Variants in VGLL4 observed in about 807,000 individuals in gnomAD.
The protein encoded by VGLL4 is vestigial like family member 4.
VGLL4 carries 7 observed loss-of-function variants against 21.0 expected under a neutral mutation model. The ratio of observed to expected loss-of-function variants is 0.33; its 90% CI spans 0.19 to 0.63. VGLL4 has a LOEUF of 0.63. Ranked by LOEUF, VGLL4 falls within the 20% of genes least tolerant of loss-of-function variation. The pLI is 0.78. For synonymous variants in VGLL4, 222 were observed against 173.2 expected (o/e 1.28, Z -2.21); for missense variants, 394 against 425.7 (o/e 0.93, Z 0.66).
At chr3:11,646,029 G>A (rs1296699651), upstream of VGLL4, among the ~76,000 whole-genome samples, 3 of 152,148 alleles carry the variant, frequency 2.0e-5, no homozygotes, top group South Asian at 2.1e-4. Context: ...TACTGTTGCC[G>A]TCATTGCTGC....
intron 2 of VGLL4, among the ~76,000 whole-genome samples, chr3:11,652,014 G>A (rs1451995367): frequency 2.0e-5 from 3 of 152,116 alleles, no homozygotes; most frequent in Non-Finnish European, 4.4e-5. Context: ...CTATTAAGTA[G>A]CGACTGATCA....
chr3:11,707,327 C>CAAAAAA (rs34222383), intron 1 of VGLL4, among the ~76,000 whole-genome samples: 3 of 43,058 alleles, frequency 7.0e-5, no homozygotes, highest in African/African-American at 9.8e-5. Context: ...GACCCTGCCT[C>CAAAAAA]AAAAAAAAAA....
chr3:11,678,711 T>G (rs1290966801), intron 2 of VGLL4, among the ~76,000 whole-genome samples: 1 of 152,140 alleles, frequency 6.6e-6, no homozygotes, highest in East Asian at 1.9e-4. Flanking sequence ...TTCTCCCTCT[T>G]TGTTTATGTT....
At chr3:11,639,491 T>C (rs894166060) in intron 1 of VGLL4, among the ~76,000 whole-genome samples, 1 of 152,224 alleles carries the variant, frequency 6.6e-6, no homozygotes, top group Admixed American at 6.5e-5. Flanking sequence ...CACTGTGTGC[T>C]GTAATCCAGG....
intron 3 of VGLL4, among the ~76,000 whole-genome samples, chr3:11,560,386 G>A (rs763882981): frequency 6.6e-6 from 1 of 152,198 alleles, no homozygotes; most frequent in Non-Finnish European, 1.5e-5. Context: ...TGTGGGCTAA[G>A]TTCCAGGACA....
At chr3:11,644,159 A>G (rs1479223963), upstream of VGLL4, among the ~76,000 whole-genome samples, 1 of 152,168 alleles carries the variant, frequency 6.6e-6, no homozygotes, top group Non-Finnish European at 1.5e-5. Flanking sequence ...AAACCCAGGA[A>G]GTTTCTTTTT....
chr3:11,558,498 CTG>C lies in VGLL4; in HGVS notation c.*56_*57del, dbSNP rs1365818515. The stretch of plus-strand genomic sequence containing the variant: ...TGATTTTTTTTTTTTTAAGTACTGA[CTG>C]TTCAAAGCTCAGGCAAACCATGCAG... On this transcript the variant is annotated 3_prime_UTR_variant, in exon 5 of 5. Coordinates refer to ENST00000430365, the MANE Select transcript of VGLL4 (RefSeq NM_001128219.3). 5.5e-6 allele frequency: 6 copies of C among 1,091,484 alleles called. No homozygotes were observed. The highest frequency in any genetic ancestry group is 1.7e-5 in the African/African-American group (1 of 59,600). 67.6% of individuals were successfully genotyped at this position (1,091,484 alleles called of 1,614,324 possible).
chr3:11,709,345 G>A (rs550908942), intron 1 of VGLL4, among the ~76,000 whole-genome samples: 66 of 150,124 alleles, frequency 4.4e-4, no homozygotes, highest in Non-Finnish European at 5.8e-4. Flanking sequence ...GCTGAGGCAG[G>A]AGAATAGCTT....
At chr3:11,573,561 G>A (rs759674121) in intron 2 of VGLL4, among the ~76,000 whole-genome samples, 5 of 152,096 alleles carry the variant, frequency 3.3e-5, no homozygotes, top group Non-Finnish European at 5.9e-5. Flanking sequence ...TCCCTCCGAC[G>A]GCCATGGCTG....
upstream of VGLL4, among the ~76,000 whole-genome samples, chr3:11,647,230 A>G (rs1485375296): frequency 1.3e-5 from 2 of 151,808 alleles, no homozygotes; most frequent in Admixed American, 1.3e-4. Context: ...TTTCAAGCAC[A>G]CTGGATGACC....
At chr3:11,695,506 A>G (rs2076594248) in intron 2 of VGLL4, among the ~76,000 whole-genome samples, 2 of 152,216 alleles carry the variant, frequency 1.3e-5, no homozygotes, top group Non-Finnish European at 2.9e-5. Flanking sequence ...AGACAGAGAG[A>G]ACATGTGCAT....
chr3:11,582,981 T>G (rs2074272689), intron 2 of VGLL4, among the ~76,000 whole-genome samples: 1 of 152,230 alleles, frequency 6.6e-6, no homozygotes, highest in African/African-American at 2.4e-5. Context: ...CCTAGGTTTG[T>G]CTTGGTGAAC....
chr3:11,706,677 T>C (rs887491283), intron 1 of VGLL4, among the ~76,000 whole-genome samples: 17 of 152,318 alleles, frequency 1.1e-4, no homozygotes, highest in African/African-American at 4.1e-4. Context: ...CTCTCCTCTC[T>C]GGCCTCCCTC....
chr3:11,655,643 C>T (rs1033939306), intron 2 of VGLL4, among the ~76,000 whole-genome samples: 1 of 152,206 alleles, frequency 6.6e-6, no homozygotes, highest in Non-Finnish European at 1.5e-5. Flanking sequence ...TTCCTGTTTA[C>T]CCCACATAGG....
At chr3:11,620,298 C>T (rs142750644) in intron 1 of VGLL4, among the ~76,000 whole-genome samples, 5 of 152,224 alleles carry the variant, frequency 3.3e-5, no homozygotes, top group East Asian at 1.9e-4. Context: ...CTATACCACT[C>T]GGAGAGGTTT....
At chr3:11,594,785 T>C (rs1418412831) in intron 2 of VGLL4, among the ~76,000 whole-genome samples, 1 of 152,230 alleles carries the variant, frequency 6.6e-6, no homozygotes, top group Admixed American at 6.5e-5. Context: ...TGAGCTTTGA[T>C]GCATGCAGGT....
intron 2 of VGLL4, among the ~76,000 whole-genome samples, chr3:11,694,394 G>A (rs2076575858): frequency 6.6e-6 from 1 of 152,172 alleles, no homozygotes; most frequent in Non-Finnish European, 1.5e-5. Flanking sequence ...GCCAAGGCGG[G>A]TAGATCACTT....
intron 2 of VGLL4, among the ~76,000 whole-genome samples, chr3:11,697,627 T>C (rs538619761): frequency 2.3e-4 from 35 of 152,230 alleles, no homozygotes; most frequent in South Asian, 1.5e-3. Flanking sequence ...AAAGAGTATA[T>C]GAGTGCAACT....
At chr3:11,589,809 C>G (rs1194559557) in intron 2 of VGLL4, among the ~76,000 whole-genome samples, 2 of 152,130 alleles carry the variant, frequency 1.3e-5, no homozygotes, top group African/African-American at 2.4e-5. Flanking sequence ...CAAGCAAGAT[C>G]GCTGTTTCTT....
Sources: allele counts gnomAD v4.1 joint callset (sites outside exome capture counted in the v4.1 genomes callset), GRCh38; gene constraint gnomAD v4.1.1; transcripts MANE v1.5; gene names NCBI Gene and HGNC (gene_info 2026-07-23, HGNC 2026-07-21).